The following DMBT1 variants were observed in gnomAD, a reference collection of about 807,000 sequenced individuals.
DMBT1 encodes the protein deleted in malignant brain tumors 1.
Under a neutral mutation model 252.9 loss-of-function variants are expected in DMBT1, and 198 were observed. That is an observed-to-expected ratio of 0.78 (90% CI 0.70 to 0.88). The LOEUF is 0.88. DMBT1 is among the 40% of genes least tolerant of loss of function. The pLI is 0.00. For missense variants in DMBT1, 2,432 were observed against 2,404.7 expected (o/e 1.01, Z -0.24); for synonymous variants, 990 against 942.7 (o/e 1.05, Z -0.92).
chr10:122,600,587 G>C (rs569396210), intron 27 of DMBT1, among the ~76,000 whole-genome samples: 1 of 152,284 alleles, frequency 6.6e-6, no homozygotes, highest in African/African-American at 2.4e-5. Context: ...ATAAAGGTTT[G>C]TGATGTCACT....
At chr10:122,627,617 A>T (rs963440879) in intron 46 of DMBT1, among the ~76,000 whole-genome samples, 1 of 152,236 alleles carries the variant, frequency 6.6e-6, no homozygotes, top group Non-Finnish European at 1.5e-5. Context: ...TATATACAAT[A>T]GCATATTTTA....
rs866548417 is a variant in DMBT1 at position 122,617,326 on chromosome 10, A to G, written c.4891+66A>G. Reference sequence around the variant, plus strand: ...TGGACATATTTTGTGTTTGAAACTGATAGGATGAGGCTCAAGGTGGGCCCC... The same window carrying G: ...TGGACATATTTTGTGTTTGAAACTGGTAGGATGAGGCTCAAGGTGGGCCCC... On this transcript the variant is annotated intron_variant, in intron 40 of 55. Transcript: ENST00000338354. 9 of 1,556,040 alleles carry G rather than the reference A, an allele frequency of 5.8e-6. No homozygotes were observed. In the Middle Eastern group the frequency reaches 1.5e-3, roughly 264 times the overall value.
intron 39 of DMBT1, among the ~76,000 whole-genome samples, chr10:122,616,991 CAGAT>C (rs2097991108): frequency 7.7e-6 from 1 of 129,858 alleles, no homozygotes; most frequent in Admixed American, 7.9e-5. Flanking sequence ...CATCCTCTAA[CAGAT>C]AGAAAGATAC....
intron 44 of DMBT1, 125 bp downstream of exon 44, chr10:122,621,505 T>C (rs1186740402): frequency 6.7e-7 from 1 of 1,482,796 alleles, no homozygotes; most frequent in East Asian, 2.3e-5. Flanking sequence ...TGAAGACTTG[T>C]TAGCTCTCTG....
At chr10:122,625,400 G>A in intron 45 of DMBT1, 97 bp downstream of exon 45, 1 of 1,190,346 alleles carries the variant, frequency 8.4e-7, no homozygotes, top group East Asian at 2.5e-5. Context: ...CTCCCCCTGG[G>A]GGGGTAATTT....
intron 17 of DMBT1, among the ~76,000 whole-genome samples, chr10:122,589,669 C>T (rs1230569131): frequency 6.7e-6 from 1 of 148,358 alleles, no homozygotes; most frequent in Non-Finnish European, 1.5e-5. Context: ...CTGCTGACAG[C>T]CTCAGGCTGC....
chr10:122,632,524 C>T (rs1387075630), intron 50 of DMBT1, among the ~76,000 whole-genome samples: 1 of 152,102 alleles, frequency 6.6e-6, no homozygotes, highest in Non-Finnish European at 1.5e-5. Flanking sequence ...GGTGCAGTTG[C>T]ACCTGCTGTT....
chr10:122,628,890 T>C (rs1265965819), intron 46 of DMBT1, among the ~76,000 whole-genome samples: 2 of 152,048 alleles, frequency 1.3e-5, no homozygotes, highest in East Asian at 1.9e-4. Context: ...ATGAAAATAA[T>C]CTAAAATTGA....
intron 2 of DMBT1, among the ~76,000 whole-genome samples, chr10:122,569,930 C>T (rs1432131500): frequency 1.3e-5 from 2 of 152,092 alleles, no homozygotes; most frequent in African/African-American, 4.8e-5. Context: ...CAGGTCGTGG[C>T]AGCAGAGGAG....
rs1279318030 is a variant in DMBT1 at position 122,568,622 on chromosome 10, G to A, written c.92-1540G>A. ...CTGCCTCTGAGGCTGGTGAATGGAG[G>A]TGACCGGTGTCAGGGCCGGGTGGAG... On this transcript the variant is annotated intron_variant, in intron 2 of 55. Transcript: ENST00000338354. 2.1e-4 allele frequency among the ~76,000 whole-genome samples: 32 copies of A among 152,182 alleles called. 1 individual carries two copies. Among genetic ancestry groups the A allele is most frequent in the Admixed American group, 2.1e-3 (32 of 15,290 alleles).
At chr10:122,578,781 C>T in intron 9 of DMBT1, 22 bp downstream of exon 9, 2 of 1,595,194 alleles carry the variant, frequency 1.3e-6, no homozygotes, top group Non-Finnish European at 1.7e-6. Context: ...TCTCAACACT[C>T]CCTGGGGCTC....
chr10:122,617,976 C>T, intron 40 of DMBT1, 41 bp from the exon 41 acceptor site: 1 of 1,609,052 alleles, frequency 6.2e-7, no homozygotes, highest in Non-Finnish European at 8.5e-7. Context: ...TTGTTGACCT[C>T]CTGGTGGGGA....
rs772389879 is a variant in DMBT1, at chr10:122,618,260, C to T, written c.5135C>T (p.Ser1712Phe). ...LDDVRCSGHE[S>F]YLWSCPHNGW... ...GATGTGCGCTGCTCAGGACACGAGTCTTACCTGTGGAGCTGCCCCCACAAT... is the reference window on the plus strand; with the variant it reads ...GATGTGCGCTGCTCAGGACACGAGTTTTACCTGTGGAGCTGCCCCCACAAT... The change falls in exon 41 of 56, where the codon TCT becomes TTT. Residue 1712 changes from serine (S) to phenylalanine (F), a missense_variant. Physicochemically the swap from Ser to Phe is radical, Grantham distance 155. This residue lies in a region of DMBT1 where 1,162 missense variants were observed against 1,169.0 expected (regional missense o/e 0.99). Transcript: ENST00000338354. The T allele has an allele frequency of 6.2e-7, 1 of 1,613,666 alleles. No homozygotes were observed. Among genetic ancestry groups the T allele is most frequent in the African/African-American group, 1.3e-5 (1 of 74,900 alleles).
chr10:122,622,679 C>G (rs929872748), intron 44 of DMBT1, among the ~76,000 whole-genome samples: 1 of 152,154 alleles, frequency 6.6e-6, no homozygotes, highest in Non-Finnish European at 1.5e-5. Context: ...GTGCTTTCTT[C>G]CAAACCATCT....
intron 5 of DMBT1, among the ~76,000 whole-genome samples, 180 bp downstream of exon 5, chr10:122,572,541 C>T (rs1008030976): frequency 4.6e-5 from 7 of 152,198 alleles, no homozygotes; most frequent in Non-Finnish European, 7.3e-5. Context: ...TCACCACACA[C>T]GAGCACGTTT....
intron 15 of DMBT1, among the ~76,000 whole-genome samples, chr10:122,585,805 G>T (rs145352814): frequency 1.3e-5 from 2 of 148,678 alleles, no homozygotes; most frequent in Non-Finnish European, 3.0e-5. Flanking sequence ...GTGTGCCCAG[G>T]TTAGGGAATG....
At chr10:122,621,742 C>T (rs1158592135) in intron 44 of DMBT1, among the ~76,000 whole-genome samples, 5 of 152,180 alleles carry the variant, frequency 3.3e-5, no homozygotes, top group African/African-American at 9.6e-5. Flanking sequence ...GGGATCCTCT[C>T]CTTAGGAGGA....
At chr10:122,599,197 T>A in intron 26 of DMBT1, 100 bp downstream of exon 26, 1 of 1,580,806 alleles carries the variant, frequency 6.3e-7, no homozygotes, top group East Asian at 2.2e-5. Flanking sequence ...GCTTCTTCTA[T>A]GTTTTCTATA....
At chr10:122,597,894 T>C (rs3980978) in intron 24 of DMBT1, 80 bp from the exon 25 acceptor site, 533 of 1,605,426 alleles carry the variant, frequency 3.3e-4, no homozygotes, top group Admixed American at 1.1e-3. Context: ...TCATGATGTT[T>C]GCCTTCTCCG....
Sources: gnomAD v4.1 joint callset for allele counts (sites outside exome capture counted in the v4.1 genomes callset) on GRCh38, gnomAD v4.1.1 for gene constraint, gnomAD v4.1.1 regional missense constraint, MANE v1.5 for transcripts, NCBI Gene and HGNC (gene_info 2026-07-23, HGNC 2026-07-21) for gene names.